Variants in WWOX observed in about 807,000 individuals in gnomAD.
The protein encoded by WWOX is WW domain-containing oxidoreductase.
In WWOX, 69 loss-of-function variants were observed where a neutral mutation model predicts 46.2. The ratio of observed to expected loss-of-function variants is 1.49; its 90% CI spans 1.23 to 1.82. WWOX has a LOEUF of 1.82. Among genes scored for constraint, WWOX ranks in the 40% most tolerant of loss-of-function variants. WWOX has a pLI of 0.00. For synonymous variants in WWOX, 359 were observed against 202.6 expected (o/e 1.77, Z -6.56); for missense variants, 919 against 542.6 (o/e 1.69, Z -6.89).
At chr16:78,360,505 A>T (rs934723336) in intron 5 of WWOX, among the ~76,000 whole-genome samples, 6 of 149,104 alleles carry the variant, frequency 4.0e-5, no homozygotes, top group Non-Finnish European at 1.5e-5. Flanking sequence ...GAATCACTTG[A>T]AGCTGGGAGC....
At chr16:78,101,598 G>T (rs1038705405) in intron 1 of WWOX, among the ~76,000 whole-genome samples, 1 of 152,118 alleles carries the variant, frequency 6.6e-6, no homozygotes, top group Non-Finnish European at 1.5e-5. Context: ...TGGCATTACA[G>T]ACAGGAGCCA....
chr16:78,567,400 A>C (rs931860505), intron 8 of WWOX, among the ~76,000 whole-genome samples: 6 of 151,686 alleles, frequency 4.0e-5, no homozygotes, highest in African/African-American at 1.5e-4. Context: ...AAAAAAAAAA[A>C]AAATTAGCCC....
At chr16:79,192,289 A>T (rs898629238) in intron 8 of WWOX, among the ~76,000 whole-genome samples, 2 of 151,512 alleles carry the variant, frequency 1.3e-5, no homozygotes, top group Non-Finnish European at 2.9e-5. Context: ...AACAGCTGTT[A>T]TTTTCGCAGT....
intron 8 of WWOX, among the ~76,000 whole-genome samples, chr16:78,980,308 C>G: frequency 6.6e-6 from 1 of 152,178 alleles, no homozygotes; most frequent in East Asian, 1.9e-4. Flanking sequence ...AAAGATGGCT[C>G]TTTGCCTTCA....
chr16:78,427,814 G>C (rs768010059), intron 7 of WWOX, among the ~76,000 whole-genome samples: 2 of 151,580 alleles, frequency 1.3e-5, no homozygotes, highest in Non-Finnish European at 2.9e-5. Flanking sequence ...AAAAAATGCA[G>C]TATAGGCCAG....
At chr16:78,364,367 G>A (rs949322531) in intron 5 of WWOX, among the ~76,000 whole-genome samples, 3 of 152,106 alleles carry the variant, frequency 2.0e-5, no homozygotes, top group Non-Finnish European at 2.9e-5. Context: ...GCATTGTATC[G>A]GTTCTGATTT....
intron 5 of WWOX, among the ~76,000 whole-genome samples, chr16:78,318,966 A>T (rs1173838549): frequency 6.6e-6 from 1 of 152,200 alleles, no homozygotes; most frequent in Non-Finnish European, 1.5e-5. Context: ...GCTTTGTTAC[A>T]TGGAAGAGGA....
At chr16:78,518,451 C>T (rs551701596) in intron 8 of WWOX, among the ~76,000 whole-genome samples, 1 of 152,066 alleles carries the variant, frequency 6.6e-6, no homozygotes, top group African/African-American at 2.4e-5. Context: ...GAACTCCTGA[C>T]CTCAAGTGAT....
At chr16:78,839,040 G>T (rs1567595779) in intron 8 of WWOX, among the ~76,000 whole-genome samples, 1 of 152,062 alleles carries the variant, frequency 6.6e-6, no homozygotes, top group Non-Finnish European at 1.5e-5. Flanking sequence ...AGTTTTGTGA[G>T]ATATCACCTA....
intron 8 of WWOX, among the ~76,000 whole-genome samples, chr16:78,584,396 G>A (rs928729578): frequency 6.6e-6 from 1 of 152,158 alleles, no homozygotes; most frequent in Non-Finnish European, 1.5e-5. Context: ...CCAGGCTTGG[G>A]ATTTCGCAAC....
At chr16:79,134,268 C>T (rs563597145) in intron 8 of WWOX, among the ~76,000 whole-genome samples, 2 of 152,146 alleles carry the variant, frequency 1.3e-5, no homozygotes, top group East Asian at 3.9e-4. Flanking sequence ...CAGGTAGTCA[C>T]TATCTGGGAC....
At position 78,667,955 on chromosome 16, in the gene WWOX, A is replaced by G. The variant is rs561083383; in HGVS notation, c.1056+235203A>G. Among the ~76,000 whole-genome samples, 6 of 152,014 alleles carry G rather than the reference A, an allele frequency of 3.9e-5. No individual in the cohort carries two copies. The South Asian group carries it at 1.2e-3, about 32-fold the overall frequency. On this transcript the variant is annotated intron_variant, in intron 8 of 8. Coordinates refer to ENST00000566780, the MANE Select transcript of WWOX (RefSeq NM_016373.4). Reference sequence around the variant, plus strand: ...TCACACTCTGTGCTGCTCTCAGCCAAAGCTCTTCTTAAATACACTAGCCAT... The same window carrying G: ...TCACACTCTGTGCTGCTCTCAGCCAGAGCTCTTCTTAAATACACTAGCCAT...
intron 3 of WWOX, among the ~76,000 whole-genome samples, chr16:78,110,777 C>T (rs2032446136): frequency 6.6e-6 from 1 of 152,184 alleles, no homozygotes; most frequent in Non-Finnish European, 1.5e-5. Flanking sequence ...CCCTAGCTTA[C>T]TGCCAGTGAC....
chr16:78,751,374 C>T (rs1486395829), intron 8 of WWOX, among the ~76,000 whole-genome samples: 1 of 148,666 alleles, frequency 6.7e-6, no homozygotes, highest in African/African-American at 2.5e-5. Flanking sequence ...TGTATAGTAA[C>T]ACACCTCTGT....
chr16:78,567,577 A>G (rs2044603923), intron 8 of WWOX, among the ~76,000 whole-genome samples: 1 of 144,114 alleles, frequency 6.9e-6, no homozygotes, highest in Admixed American at 6.9e-5. Context: ...AAAAAAAAAG[A>G]AGTGAGTTTT....
intron 8 of WWOX, among the ~76,000 whole-genome samples, chr16:79,086,561 G>C (rs2048857564): frequency 1.3e-5 from 2 of 152,174 alleles, no homozygotes; most frequent in Admixed American, 1.3e-4. Context: ...TGGAGTTAGA[G>C]ACCTGACTCT....
chr16:78,473,166 G>T (rs1306229532), intron 8 of WWOX, among the ~76,000 whole-genome samples: 2 of 152,318 alleles, frequency 1.3e-5, no homozygotes, highest in South Asian at 4.1e-4. Context: ...GTCTCACTCT[G>T]TCACCCAGGC....
chr16:79,152,383 A>G (rs374088565), intron 8 of WWOX, among the ~76,000 whole-genome samples: 1 of 152,142 alleles, frequency 6.6e-6, no homozygotes, highest in African/African-American at 2.4e-5. Context: ...TAAAAAACCA[A>G]CTGCCCAGCC....
intron 8 of WWOX, among the ~76,000 whole-genome samples, chr16:78,713,356 C>T (rs545367557): frequency 6.9e-6 from 1 of 144,722 alleles, no homozygotes; most frequent in South Asian, 2.3e-4. Flanking sequence ...CTGGAGTAGA[C>T]AACTAGTTCA....
Sources: allele counts gnomAD v4.1 joint callset (sites outside exome capture counted in the v4.1 genomes callset), GRCh38; gene constraint gnomAD v4.1.1; transcripts MANE v1.5; gene names NCBI Gene and HGNC (gene_info 2026-07-23, HGNC 2026-07-21).